Variants in MTTP observed in about 807,000 individuals in gnomAD.
The protein encoded by MTTP is microsomal triglyceride transfer protein.
MTTP carries 49 observed loss-of-function variants against 90.6 expected under a neutral mutation model. That is an observed-to-expected ratio of 0.54 (90% CI 0.43 to 0.69). The LOEUF (loss-of-function observed/expected upper bound fraction) is 0.69. Ranked by LOEUF, MTTP falls within the 30% of genes least tolerant of loss-of-function variation. The pLI is 0.00. For missense variants in MTTP, 945 were observed against 1,067.5 expected (o/e 0.89, Z 1.60); for synonymous variants, 347 against 384.2 (o/e 0.90, Z 1.13).
intron 1 of MTTP, among the ~76,000 whole-genome samples, chr4:99,577,024 G>A (rs974229407): frequency 6.6e-6 from 1 of 152,144 alleles, no homozygotes. Context: ...ATCATGGTAC[G>A]TTGCTTATGC....
intron 9 of MTTP, 93 bp from the exon 10 acceptor site, chr4:99,601,514 T>C: frequency 1.0e-6 from 1 of 1,004,248 alleles, no homozygotes; most frequent in Non-Finnish European, 1.6e-6. Flanking sequence ...ATAAAAATAC[T>C]TTACCAAGTA....
Position 99,611,459 on chromosome 4 carries a change from T to C in MTTP, c.1989+6T>C. On this transcript the variant is annotated splice_donor_region_variant and intron_variant, in intron 14 of 17. Coordinates refer to ENST00000265517, the MANE Select transcript of MTTP (RefSeq NM_001386140.1). Reference sequence around the variant, plus strand: ...CTGGTCTTCACGGTAGCCAGGTAACTCACTTCTCATGGATTTTGCTTAATA... The same window carrying C: ...CTGGTCTTCACGGTAGCCAGGTAACCCACTTCTCATGGATTTTGCTTAATA... 6.2e-7 allele frequency: 1 copy of C among 1,614,004 alleles called. No homozygotes were observed. Among genetic ancestry groups the C allele is most frequent in the South Asian group, 1.1e-5 (1 of 91,078 alleles).
At position 99,611,339 on chromosome 4, in the gene MTTP, C is replaced by T; in HGVS notation, c.1875C>T (p.Pro625=). Residue 625 remains proline, a synonymous_variant, in exon 14 of 18, where the codon CCC becomes CCT. Transcript: ENST00000265517. Reference sequence around the variant, plus strand: ...GTTATTGTGTGTCATCAGGTAGTCCCCGTTCGGCATCTACTTACAGCCTAG... The same window carrying T: ...GTTATTGTGTGTCATCAGGTAGTCCTCGTTCGGCATCTACTTACAGCCTAG... ...SAYTGYIERS[P]RSASTYSLDI... 1 of 1,614,032 alleles carries T rather than the reference C, an allele frequency of 6.2e-7. No individual in the cohort carries two copies. The highest frequency in any genetic ancestry group is 8.5e-7 in the Non-Finnish European group (1 of 1,179,946).
chr4:99,578,032 G>A (rs1725010596), intron 1 of MTTP, among the ~76,000 whole-genome samples: 3 of 151,776 alleles, frequency 2.0e-5, no homozygotes, highest in Admixed American at 2.0e-4. Flanking sequence ...GTTCATAAAT[G>A]CCATTACCTA....
At chr4:99,578,179 A>T (rs28435607) in intron 1 of MTTP, among the ~76,000 whole-genome samples, 1 of 152,058 alleles carries the variant, frequency 6.6e-6, no homozygotes, top group African/African-American at 2.4e-5. Flanking sequence ...TATTTCTTGA[A>T]GATTCAAAAC....
chr4:99,593,347 T>A (rs977421809), intron 6 of MTTP, among the ~76,000 whole-genome samples: 2 of 152,150 alleles, frequency 1.3e-5, no homozygotes, highest in Non-Finnish European at 2.9e-5. Context: ...ATGTTTTTAA[T>A]ATTAAGGTAA....
At chr4:99,619,172 G>T (rs1210609108) in intron 16 of MTTP, 74 bp downstream of exon 16, 24 of 1,376,236 alleles carry the variant, frequency 1.7e-5, no homozygotes, top group Non-Finnish European at 2.5e-5. Context: ...AATATGTTTT[G>T]GGAATTAATC....
chr4:99,601,580 C>G (rs781201243), intron 9 of MTTP, 27 bp from the exon 10 acceptor site: 1 of 1,447,482 alleles, frequency 6.9e-7, no homozygotes, highest in African/African-American at 1.4e-5. Flanking sequence ...GTCTTGGTAA[C>G]CTATTTTATC....
chr4:99,611,566 C>T (rs1454594770), intron 14 of MTTP, 113 bp downstream of exon 14: 2 of 1,405,014 alleles, frequency 1.4e-6, no homozygotes, highest in Non-Finnish European at 2.0e-6. Context: ...TTAATGGTGG[C>T]TTCTGTCATA....
In MTTP at chr4:99,591,269, A is replaced by G. The variant is rs746001155; in HGVS notation, c.536A>G (p.Gln179Arg). 5 of 1,613,820 alleles carry G rather than the reference A, an allele frequency of 3.1e-6. No individual in the cohort carries two copies. Among genetic ancestry groups the G allele is most frequent in the Non-Finnish European group, 4.2e-6 (5 of 1,179,818 alleles). The change falls in exon 5 of 18, where the codon CAG (glutamine) becomes CGG (arginine). Residue 179 changes from glutamine to arginine, a missense_variant. By Grantham distance (43) the Gln-to-Arg change is conservative. Transcript: ENST00000265517. ...TCTGGAAATTGTAAAGTGACCTACC[A>G]GGCTCATCAAGACAAAGTGATCAAA... is the stretch of plus-strand genomic sequence containing the variant. ...DISGNCKVTY[Q>R]AHQDKVIKIK...
chr4:99,574,386 A>G (rs924627580), upstream of MTTP, among the ~76,000 whole-genome samples: 4 of 152,222 alleles, frequency 2.6e-5, no homozygotes, highest in Admixed American at 6.5e-5. Context: ...TGAATTTTTT[A>G]TAATAGCATA....
chr4:99,566,288 C>CAAA (rs772513158), intron 1 of MTTP, among the ~76,000 whole-genome samples: 34 of 80,314 alleles, frequency 4.2e-4, no homozygotes, highest in East Asian at 1.0e-3. Context: ...TACTCCGTCT[C>CAAA]AAAAAAAAGA....
chr4:99,568,129 G>C lies in MTTP; in HGVS notation c.-102+3892G>C, dbSNP rs545574083. Among the ~76,000 whole-genome samples, 332 of 152,080 alleles carry C rather than the reference G, an allele frequency of 2.2e-3. 1 individual carries two copies. The highest frequency in any genetic ancestry group is 7.5e-3 in the African/African-American group (312 of 41,512). ...AACTCAGACAATAATAAGAAATATA[G>C]AAAGCACACACATATATTCACCATT... is the stretch of plus-strand genomic sequence containing the variant. On this transcript the variant is annotated intron_variant, in intron 1 of 18. Transcript: ENST00000457717.
chr4:99,613,925 A>T (rs902396814), intron 15 of MTTP, among the ~76,000 whole-genome samples: 8 of 152,090 alleles, frequency 5.3e-5, no homozygotes, highest in Non-Finnish European at 1.2e-4. Context: ...GGTGCTTAAA[A>T]TTTTTCTTTA....
chr4:99,613,006 A>G lies in MTTP; in HGVS notation c.2083A>G (p.Ile695Val). ...NLDSYAGMSAILFDVQLRPVT... is the reference protein window; with the variant it reads ...NLDSYAGMSAVLFDVQLRPVT... ...TGACTCCTATGCTGGTATGTCAGCC[A>G]TCCTCTTTGATGTTCAGCTCAGACC... The change falls in exon 15 of 18, where the codon ATC becomes GTC. Residue 695 changes from isoleucine to valine, a missense_variant. Transcript: ENST00000265517. The G allele has an allele frequency of 6.2e-7, 1 of 1,614,086 alleles. No homozygotes were observed. The highest frequency in any genetic ancestry group is 8.5e-7 in the Non-Finnish European group (1 of 1,179,946).
chr4:99,568,731 A>G (rs1051155231), intron 1 of MTTP, among the ~76,000 whole-genome samples: 4 of 152,148 alleles, frequency 2.6e-5, no homozygotes, highest in Non-Finnish European at 5.9e-5. Flanking sequence ...CCAGAACCCA[A>G]ACAAAACACA....
intron 1 of MTTP, among the ~76,000 whole-genome samples, chr4:99,581,268 C>T (rs1377491962): frequency 6.6e-6 from 1 of 152,074 alleles, no homozygotes; most frequent in Non-Finnish European, 1.5e-5. Context: ...TTTAAATTAC[C>T]CCATGCCAAC....
At chr4:99,616,364 C>T (rs770343316) in intron 15 of MTTP, among the ~76,000 whole-genome samples, 5 of 152,270 alleles carry the variant, frequency 3.3e-5, no homozygotes, top group South Asian at 2.1e-4. Context: ...CACACCACTG[C>T]ACTCCAGCCC....
chr4:99,573,008 C>T (rs1049193216), upstream of MTTP, among the ~76,000 whole-genome samples: 1 of 152,018 alleles, frequency 6.6e-6, no homozygotes. Flanking sequence ...AAATCAAATG[C>T]TCAAATGAAA....
Sources: gnomAD v4.1 joint callset for allele counts (sites outside exome capture counted in the v4.1 genomes callset) on GRCh38, gnomAD v4.1.1 for gene constraint, MANE v1.5 for transcripts, NCBI Gene and HGNC (gene_info 2026-07-23, HGNC 2026-07-21) for gene names.